Variants in CCDC146 observed in about 807,000 individuals in gnomAD.
The protein encoded by CCDC146 is coiled-coil domain containing 146, also known as coiled-coil domain-containing protein 146.
CCDC146 carries 92 observed loss-of-function variants against 119.3 expected under a neutral mutation model. That is an observed-to-expected ratio of 0.77 (90% CI 0.65 to 0.92). The LOEUF (loss-of-function observed/expected upper bound fraction) is 0.92. Ranked by LOEUF, CCDC146 falls within the 40% of genes least tolerant of loss-of-function variation. The probability of loss-of-function intolerance (pLI) is 0.00; values close to 1 mark genes in which losing one functional copy is unlikely to be tolerated. For synonymous variants in CCDC146, 372 were observed against 371.8 expected, an observed-to-expected ratio of 1.00 and a Z score of -0.01; for missense variants, 1,000 against 1,103.0, an observed-to-expected ratio of 0.91 and a Z score of 1.32.
chr7:77,269,697 A>G (rs906953412), intron 9 of CCDC146, among the ~76,000 whole-genome samples: 24 of 152,260 alleles, frequency 1.6e-4, no homozygotes, highest in African/African-American at 5.8e-4. Flanking sequence ...CACCCATTGA[A>G]TATAAAACTA....
intron 4 of CCDC146, among the ~76,000 whole-genome samples, chr7:77,251,432 T>A (rs10246716): frequency 0.028 from 4,192 of 152,318 alleles, 191 homozygotes; most frequent in African/African-American, 0.095. Flanking sequence ...ATAGTTGTTT[T>A]AAATTCCTGA....
At chr7:77,176,716 C>G (rs1348013616) in intron 2 of CCDC146, among the ~76,000 whole-genome samples, 1 of 151,776 alleles carries the variant, frequency 6.6e-6, no homozygotes, top group Non-Finnish European at 1.5e-5. Flanking sequence ...CCATTATTTA[C>G]CTAATTTCAT....
At chr7:77,174,980 G>T (rs1791480838) in intron 2 of CCDC146, among the ~76,000 whole-genome samples, 1 of 151,938 alleles carries the variant, frequency 6.6e-6, no homozygotes, top group African/African-American at 2.4e-5. Context: ...CACTCCAATG[G>T]GTATTATGTT....
chr7:77,293,206 C>G lies in CCDC146; in HGVS notation c.2664+6C>G, dbSNP rs1188147836. 2 of 1,613,028 alleles carry G rather than the reference C, an allele frequency of 1.2e-6. No individual in the cohort carries two copies. The highest frequency in any genetic ancestry group is 1.7e-6 in the Non-Finnish European group (2 of 1,179,826). On this transcript the variant is annotated splice_donor_region_variant and intron_variant, in intron 18 of 18. Transcript: ENST00000285871. ...CCATCGCTGAAAAGTCTCAGGTAGGCTTTGGCTCCTGTATTGCATTTCTAA... is the reference window on the plus strand; with the variant it reads ...CCATCGCTGAAAAGTCTCAGGTAGGGTTTGGCTCCTGTATTGCATTTCTAA...
At position 77,185,772 on chromosome 7, in the gene CCDC146, A is replaced by G. The variant is rs181761043; in HGVS notation, c.156+17948A>G. On this transcript the variant is annotated intron_variant, in intron 2 of 18. Transcript: ENST00000285871. The stretch of plus-strand genomic sequence containing the variant: ...AAATAAAGTACCAGGGACCAATCCT[A>G]AAGAAACAGAGATATGTAACCTTTC... Among the ~76,000 whole-genome samples, 383 of 152,358 alleles carry G rather than the reference A, an allele frequency of 2.5e-3. 1 individual carries two copies. The highest frequency in any genetic ancestry group is 4.1e-3 in the Non-Finnish European group (279 of 68,026).
chr7:77,279,017 A>G lies in CCDC146; in HGVS notation c.1610A>G (p.Gln537Arg), dbSNP rs1793711569. 1 of 1,612,620 alleles carries G rather than the reference A, an allele frequency of 6.2e-7. No individual in the cohort carries two copies. Among genetic ancestry groups the G allele is most frequent in the Non-Finnish European group, 8.5e-7 (1 of 1,179,246 alleles). The change falls in exon 13 of 19, where the codon CAG becomes CGG. Residue 537 changes from glutamine (Q) to arginine (R), a missense_variant. Coordinates refer to ENST00000285871, the MANE Select transcript of CCDC146 (RefSeq NM_020879.3). The stretch of plus-strand genomic sequence containing the variant: ...GTTAACTTACTCCACAAAGCTCATC[A>G]GAAAGTAAATGAAATAAAAGAAAGG... ...KFVNLLHKAH[Q>R]KVNEIKERHK...
chr7:77,153,951 T>G (rs553745723), intron 1 of CCDC146, among the ~76,000 whole-genome samples: 1 of 152,082 alleles, frequency 6.6e-6, no homozygotes, highest in Admixed American at 6.5e-5. Context: ...GGTACAATCA[T>G]AAACTAGAAT....
chr7:77,273,640 C>T (rs1793569021), intron 9 of CCDC146, 54 bp from the exon 10 acceptor site: 1 of 1,366,872 alleles, frequency 7.3e-7, no homozygotes, highest in South Asian at 1.2e-5. Flanking sequence ...CTGCCTCAGC[C>T]TCCCAAAGAT....
intron 2 of CCDC146, among the ~76,000 whole-genome samples, chr7:77,229,100 T>C (rs1792572794): frequency 2.0e-5 from 3 of 152,242 alleles, no homozygotes; most frequent in Admixed American, 2.0e-4. Flanking sequence ...TTCCATAAAA[T>C]TGTTGGCATT....
intron 4 of CCDC146, among the ~76,000 whole-genome samples, chr7:77,248,659 A>G (rs1482225184): frequency 6.6e-6 from 1 of 152,254 alleles, no homozygotes; most frequent in Admixed American, 6.5e-5. Flanking sequence ...AAGAAAAATG[A>G]AAAATATTTC....
intron 2 of CCDC146, among the ~76,000 whole-genome samples, chr7:77,175,957 C>T (rs1716488524): frequency 6.6e-6 from 1 of 151,106 alleles, no homozygotes; most frequent in African/African-American, 2.5e-5. Context: ...TATGAGGATA[C>T]AAGCAGTGTT....
At chr7:77,136,005 G>T (rs1790855658) in intron 1 of CCDC146, among the ~76,000 whole-genome samples, 1 of 152,166 alleles carries the variant, frequency 6.6e-6, no homozygotes, top group Non-Finnish European at 1.5e-5. Flanking sequence ...ATCAAACTAG[G>T]TGAGACAAAA....
chr7:77,237,171 G>C, intron 3 of CCDC146, 142 bp downstream of exon 3: 1 of 664,662 alleles, frequency 1.5e-6, no homozygotes, highest in South Asian at 1.7e-5. Context: ...AGTGGTACGA[G>C]AAAGCATCGT....
At chr7:77,258,740 T>C (rs1326790614) in intron 6 of CCDC146, among the ~76,000 whole-genome samples, 2 of 152,236 alleles carry the variant, frequency 1.3e-5, no homozygotes, top group Non-Finnish European at 2.9e-5. Context: ...GAGGAGCATC[T>C]GTACCTCCAT....
At position 77,295,047 on chromosome 7, in the gene CCDC146, C is replaced by T. The variant is rs1291326029; in HGVS notation, c.*181C>T. The T allele has an allele frequency of 1.5e-5, 9 of 590,956 alleles. No individual in the cohort carries two copies. The highest frequency in any genetic ancestry group is 3.0e-5 in the Admixed American group (1 of 33,058). 36.6% of individuals were successfully genotyped at this position (590,956 alleles called of 1,614,324 possible). Reference sequence around the variant, plus strand: ...CCACCAACTACTATACCTTTCATGACGTTGAATGGGACATAGAACTGTCCT... The same window carrying T: ...CCACCAACTACTATACCTTTCATGATGTTGAATGGGACATAGAACTGTCCT... On this transcript the variant is annotated 3_prime_UTR_variant, in exon 19 of 19. Coordinates refer to ENST00000285871, the MANE Select transcript of CCDC146 (RefSeq NM_020879.3).
Position 77,293,212 on chromosome 7 carries a change from C to T in CCDC146, c.2664+12C>T. 1 of 1,612,546 alleles carries T rather than the reference C, an allele frequency of 6.2e-7. No homozygotes were observed. The highest frequency in any genetic ancestry group is 8.5e-7 in the Non-Finnish European group (1 of 1,179,692). The stretch of plus-strand genomic sequence containing the variant: ...CTGAAAAGTCTCAGGTAGGCTTTGG[C>T]TCCTGTATTGCATTTCTAAAGGGTG... On this transcript the variant is annotated intron_variant, in intron 18 of 18. Coordinates refer to ENST00000285871, the MANE Select transcript of CCDC146 (RefSeq NM_020879.3).
chr7:77,129,683 A>G (rs1357565448), intron 1 of CCDC146, among the ~76,000 whole-genome samples: 1 of 152,074 alleles, frequency 6.6e-6, no homozygotes, highest in African/African-American at 2.4e-5. Flanking sequence ...CTCCTTGTTC[A>G]AATCTACCAT....
At chr7:77,225,607 C>A (rs1261672891) in intron 2 of CCDC146, among the ~76,000 whole-genome samples, 1 of 151,352 alleles carries the variant, frequency 6.6e-6, no homozygotes, top group Non-Finnish European at 1.5e-5. Context: ...ATCCACTTGA[C>A]TTGTGATATA....
intron 3 of CCDC146, among the ~76,000 whole-genome samples, chr7:77,237,346 T>G (rs1792757210): frequency 6.6e-6 from 1 of 152,182 alleles, no homozygotes; most frequent in Non-Finnish European, 1.5e-5. Context: ...ACTGGAATAT[T>G]TGCCCACCAG....
Sources: allele counts gnomAD v4.1 joint callset (sites outside exome capture counted in the v4.1 genomes callset), GRCh38; gene constraint gnomAD v4.1.1; transcripts MANE v1.5; gene names NCBI Gene and HGNC (gene_info 2026-07-23, HGNC 2026-07-21).